The following DOCK1 variants were observed in gnomAD, a reference collection of about 807,000 sequenced individuals.
DOCK1 encodes dedicator of cytokinesis 1.
In DOCK1, 138 loss-of-function variants were observed where a neutral mutation model predicts 262.7. The observed-to-expected ratio is 0.53, with a 90% confidence interval of 0.46 to 0.61. The LOEUF (loss-of-function observed/expected upper bound fraction) is 0.61, where lower values mean the gene tolerates loss of function less well. DOCK1 is among the 20% of genes least tolerant of loss of function. The probability of loss-of-function intolerance (pLI) is 0.00; values close to 1 mark genes in which losing one functional copy is unlikely to be tolerated. For synonymous variants in DOCK1, 866 were observed against 867.4 expected (o/e 1.00, Z 0.03); for missense variants, 1,908 against 2,370.7 (o/e 0.80, Z 4.05).
In DOCK1 at chr10:127,175,382, T is replaced by G. The variant is rs61752578; in HGVS notation, c.2847+47618T>G. On this transcript the variant is annotated intron_variant, in intron 27 of 51. Transcript: ENST00000623213. The surrounding 1 kb of genome is among the most constrained non-coding windows in gnomAD (Gnocchi z 6.3). The stretch of plus-strand genomic sequence containing the variant: ...GGCATTCTTCACCTGCAGCAACCGC[T>G]GTGGGACTAGGCTGGTTCCCCAGCC... The G allele has an allele frequency of 9.9e-5, 159 of 1,613,892 alleles. No individual in the cohort carries two copies. The African/African-American group carries it at 2.0e-3, about 20-fold the overall frequency.
rs559500486 is a variant in DOCK1 at position 127,271,016 on chromosome 10, T to C, written c.3044+13587T>C. On this transcript the variant is annotated intron_variant, in intron 29 of 51. Transcript: ENST00000623213. ...ATGTGTGTATGTGTGTGTGTGTGTG[T>C]ATGTATATATACACACACACACATA... Among the ~76,000 whole-genome samples the C allele has an allele frequency of 2.6e-5, 4 of 151,056 alleles. No homozygotes were observed. In the South Asian group the frequency reaches 8.3e-4, roughly 31 times the overall value.
intron 29 of DOCK1, among the ~76,000 whole-genome samples, chr10:127,259,845 C>T (rs1289702718): frequency 6.6e-6 from 1 of 151,314 alleles, no homozygotes. Flanking sequence ...ACATCATAGC[C>T]GCATCATTCT....
chr10:126,957,918 A>C (rs902577610), intron 1 of DOCK1, among the ~76,000 whole-genome samples: 1 of 152,226 alleles, frequency 6.6e-6, no homozygotes, highest in African/African-American at 2.4e-5. Context: ...TACTGATACA[A>C]CACCATTCAT....
intron 29 of DOCK1, among the ~76,000 whole-genome samples, chr10:127,321,353 T>G (rs2062517121): frequency 9.8e-6 from 1 of 102,380 alleles, no homozygotes; most frequent in South Asian, 2.9e-4. Context: ...TCTCTCGCTC[T>G]CTCTCTAGCT....
intron 1 of DOCK1, among the ~76,000 whole-genome samples, chr10:126,914,853 G>A (rs1457521891): frequency 6.6e-6 from 1 of 152,216 alleles, no homozygotes. Context: ...CAGGGGCTCT[G>A]CTCTGCCCAG....
At chr10:127,320,471 C>A (rs2062469929) in intron 29 of DOCK1, among the ~76,000 whole-genome samples, 1 of 152,068 alleles carries the variant, frequency 6.6e-6, no homozygotes, top group Non-Finnish European at 1.5e-5. Flanking sequence ...TTTATAGCAT[C>A]CAATCAGACA....
chr10:127,073,590 G>T (rs1185364322), intron 23 of DOCK1, among the ~76,000 whole-genome samples: 2 of 151,164 alleles, frequency 1.3e-5, no homozygotes, highest in African/African-American at 4.8e-5. Flanking sequence ...GCTGCCAGTA[G>T]CCAGAGGCTT....
intron 25 of DOCK1, among the ~76,000 whole-genome samples, chr10:127,115,465 G>C (rs1259538048): frequency 6.6e-6 from 1 of 152,208 alleles, no homozygotes; most frequent in Non-Finnish European, 1.5e-5. Flanking sequence ...GATTTTCAAA[G>C]CAAGATAGAT....
intron 29 of DOCK1, among the ~76,000 whole-genome samples, chr10:127,318,794 C>A (rs2062395791): frequency 6.6e-6 from 1 of 152,180 alleles, no homozygotes; most frequent in Admixed American, 6.5e-5. Context: ...AGATAGTAAT[C>A]CAGCAAACCT....
At chr10:126,941,306 C>A (rs1379197338) in intron 1 of DOCK1, among the ~76,000 whole-genome samples, 1 of 152,120 alleles carries the variant, frequency 6.6e-6, no homozygotes, top group Non-Finnish European at 1.5e-5. Context: ...AAAGAAACCT[C>A]TAAAAACCAG....
At chr10:127,218,523 A>G (rs1165282637) in intron 27 of DOCK1, among the ~76,000 whole-genome samples, 2 of 152,148 alleles carry the variant, frequency 1.3e-5, no homozygotes, top group Admixed American at 6.6e-5. Flanking sequence ...GTGATTATCA[A>G]CCTTTTCTCA....
At chr10:126,936,571 G>T (rs973826164) in intron 1 of DOCK1, among the ~76,000 whole-genome samples, 2 of 152,136 alleles carry the variant, frequency 1.3e-5, no homozygotes, top group South Asian at 4.1e-4. Flanking sequence ...ACAAAAACTG[G>T]TGACAGTGAG....
At chr10:127,317,138 T>A (rs1254827993) in intron 29 of DOCK1, among the ~76,000 whole-genome samples, 1 of 152,222 alleles carries the variant, frequency 6.6e-6, no homozygotes, top group African/African-American at 2.4e-5. Context: ...GACATTTCAG[T>A]AATAACTCTG....
In DOCK1 at chr10:127,159,513, A is replaced by G. The variant is rs1589696439; in HGVS notation, c.2847+31749A>G. On this transcript the variant is annotated intron_variant, in intron 27 of 51. Transcript: ENST00000623213. ...CCTGAATTTTTTTGTGTGTAAATAC[A>G]CACACATACATACCTTTGTAAATTT... Among the ~76,000 whole-genome samples, 4 of 152,320 alleles carry G rather than the reference A, an allele frequency of 2.6e-5. No individual in the cohort carries two copies. The East Asian group carries it at 7.7e-4, about 29-fold the overall frequency.
At chr10:126,908,485 T>C (rs1239380673) in intron 1 of DOCK1, among the ~76,000 whole-genome samples, 1 of 152,232 alleles carries the variant, frequency 6.6e-6, no homozygotes, top group Non-Finnish European at 1.5e-5. Flanking sequence ...TAAAACTCCA[T>C]CTCATTTGGA....
At chr10:127,330,432 A>G (rs980710655) in intron 29 of DOCK1, among the ~76,000 whole-genome samples, 2 of 152,146 alleles carry the variant, frequency 1.3e-5, no homozygotes, top group Non-Finnish European at 2.9e-5. Context: ...CAGGGAAATA[A>G]CAAGTGTTGA....
rs546638038 is a variant in DOCK1, at chr10:127,304,219, G to A, written c.3045-34787G>A. 3.7e-4 allele frequency among the ~76,000 whole-genome samples: 56 copies of A among 152,244 alleles called. No individual in the cohort carries two copies. The East Asian group carries it at 4.8e-3, about 13-fold the overall frequency. On this transcript the variant is annotated intron_variant, in intron 29 of 51. Coordinates refer to ENST00000623213, the MANE Select transcript of DOCK1 (RefSeq NM_001290223.2). ...CCGGAGCTGAGGCTGCGGAGCAGTC[G>A]GGGAACCTCTTCCATCATTGACAAG...
chr10:127,260,705 ATC>A (rs1230571875), intron 29 of DOCK1, among the ~76,000 whole-genome samples: 8 of 126,504 alleles, frequency 6.3e-5, no homozygotes, highest in Admixed American at 1.7e-4. Context: ...ACTCGTGCTC[ATC>A]TGTGTGTCCT....
chr10:127,444,072 G>C, intron 49 of DOCK1, 54 bp from the exon 50 acceptor site: 1 of 1,544,092 alleles, frequency 6.5e-7, no homozygotes, highest in East Asian at 2.5e-5. Flanking sequence ...AGGTGGAAAC[G>C]CAACTCAGCC....
Sources: gnomAD v4.1 joint callset for allele counts (sites outside exome capture counted in the v4.1 genomes callset) on GRCh38, gnomAD v4.1.1 for gene constraint, Gnocchi (gnomAD v3.1) non-coding constraint, MANE v1.5 for transcripts, NCBI Gene and HGNC (gene_info 2026-07-23, HGNC 2026-07-21) for gene names.